Variants in SYT16 observed in about 807,000 individuals in gnomAD.
The protein encoded by SYT16 is synaptotagmin-16.
Under a neutral mutation model 61.4 loss-of-function variants are expected in SYT16, and 42 were observed. The ratio of observed to expected loss-of-function variants is 0.68; its 90% CI spans 0.53 to 0.89. The LOEUF is 0.89. Ranked by LOEUF, SYT16 falls within the 40% of genes least tolerant of loss-of-function variation. SYT16 has a pLI of 0.00. For missense variants in SYT16, 804 were observed against 807.3 expected, an observed-to-expected ratio of 1.00 and a Z score of 0.05; for synonymous variants, 314 against 302.3, an observed-to-expected ratio of 1.04 and a Z score of -0.40.
rs114523239 is a variant in SYT16, at chr14:61,938,836, A to G, written c.-324-31296A>G. 9.9e-3 allele frequency among the ~76,000 whole-genome samples: 1,501 copies of G among 152,296 alleles called. 22 individuals carry two copies. The highest frequency in any genetic ancestry group is 0.034 in the African/African-American group (1,425 of 41,544). On this transcript the variant is annotated intron_variant, in intron 1 of 7. Transcript: ENST00000683842. ...TTTTGTGGTAATTCCTAAAGGATAT[A>G]AAAAGGACAGACATGAGGCTGGGTG...
chr14:62,086,501 CAA>C (rs2056891141), intron 7 of SYT16, among the ~76,000 whole-genome samples: 1 of 152,010 alleles, frequency 6.6e-6, no homozygotes, highest in African/African-American at 2.4e-5. Flanking sequence ...CAACAACAAA[CAA>C]ACAAACAAAC....
intron 1 of SYT16, among the ~76,000 whole-genome samples, chr14:61,889,759 A>G (rs1461099774): frequency 6.6e-6 from 1 of 151,956 alleles, no homozygotes. Flanking sequence ...ATGCACCATC[A>G]TGAACCTTCC....
chr14:61,859,035 A>G (rs1321258001), intron 1 of SYT16, among the ~76,000 whole-genome samples: 3 of 148,174 alleles, frequency 2.0e-5, no homozygotes, highest in Non-Finnish European at 4.5e-5. Flanking sequence ...TTTTTTTTGT[A>G]TTTTTAGTAG....
chr14:62,095,140 T>A (rs2057228528), intron 7 of SYT16, among the ~76,000 whole-genome samples: 1 of 152,046 alleles, frequency 6.6e-6, no homozygotes, highest in Non-Finnish European at 1.5e-5. Context: ...TAACTAATAA[T>A]GTGGCACAGA....
At chr14:61,956,057 A>G (rs142945431) in intron 1 of SYT16, among the ~76,000 whole-genome samples, 9 of 151,890 alleles carry the variant, frequency 5.9e-5, no homozygotes, top group East Asian at 1.9e-4. Context: ...TTCCCTGATG[A>G]CTAGTGATTT....
chr14:61,967,371 T>C (rs1446056239), intron 1 of SYT16, among the ~76,000 whole-genome samples: 1 of 152,162 alleles, frequency 6.6e-6, no homozygotes, highest in African/African-American at 2.4e-5. Flanking sequence ...AGGGTTGTTA[T>C]TGCAACAAAT....
intron 7 of SYT16, among the ~76,000 whole-genome samples, chr14:62,094,101 C>G (rs1019464391): frequency 6.6e-6 from 1 of 152,042 alleles, no homozygotes; most frequent in Non-Finnish European, 1.5e-5. Flanking sequence ...TGACATTTAT[C>G]ACTTCTCATA....
intron 3 of SYT16, among the ~76,000 whole-genome samples, chr14:62,043,559 C>T (rs924940024): frequency 3.0e-4 from 45 of 152,004 alleles, no homozygotes; most frequent in Non-Finnish European, 4.0e-4. Context: ...AGGCGCCCAC[C>T]ACCATGCCCA....
intron 1 of SYT16, among the ~76,000 whole-genome samples, chr14:61,858,837 C>G (rs981991609): frequency 6.7e-6 from 1 of 150,280 alleles, no homozygotes; most frequent in Non-Finnish European, 1.5e-5. Context: ...AAATCATTTT[C>G]TTTTTTCTTT....
At chr14:62,089,221 A>T (rs2056987414) in intron 7 of SYT16, among the ~76,000 whole-genome samples, 1 of 151,824 alleles carries the variant, frequency 6.6e-6, no homozygotes, top group South Asian at 2.1e-4. Context: ...TAGGAGGCTG[A>T]GGCAGGAGAA....
At chr14:61,836,329 C>G (rs916989331) in intron 1 of SYT16, among the ~76,000 whole-genome samples, 1 of 152,138 alleles carries the variant, frequency 6.6e-6, no homozygotes, top group Non-Finnish European at 1.5e-5. Context: ...ATTGCAATGG[C>G]CCAGATCGGC....
At chr14:61,947,033 T>C (rs908410873) in intron 1 of SYT16, among the ~76,000 whole-genome samples, 8 of 151,984 alleles carry the variant, frequency 5.3e-5, no homozygotes, top group Non-Finnish European at 4.4e-5. Context: ...TGGTATACAG[T>C]GAGGTCCTCC....
chr14:62,015,982 G>T (rs1186211005), intron 3 of SYT16, among the ~76,000 whole-genome samples: 3 of 152,166 alleles, frequency 2.0e-5, no homozygotes, highest in African/African-American at 7.2e-5. Flanking sequence ...CTTCCCCCAG[G>T]ATAGTCCTGG....
At chr14:61,892,895 G>A (rs217668) in intron 1 of SYT16, among the ~76,000 whole-genome samples, 138,212 of 152,144 alleles carry the variant, frequency 0.91, 62,920 homozygotes, top group East Asian at 0.98. Flanking sequence ...GTAAAATACA[G>A]AATAAACGGT....
chr14:61,929,116 G>A (rs929518688), intron 1 of SYT16, among the ~76,000 whole-genome samples: 31 of 152,164 alleles, frequency 2.0e-4, no homozygotes, highest in Non-Finnish European at 8.8e-5. Context: ...AGAGTGATCC[G>A]GGGATTACTA....
intron 1 of SYT16, among the ~76,000 whole-genome samples, chr14:61,836,229 G>A (rs1400618633): frequency 2.0e-5 from 3 of 152,170 alleles, no homozygotes; most frequent in African/African-American, 2.4e-5. Context: ...CCTGGGGGTT[G>A]ATTTCTCATG....
At chr14:62,006,553 T>G (rs967645171) in intron 3 of SYT16, among the ~76,000 whole-genome samples, 1 of 152,142 alleles carries the variant, frequency 6.6e-6, no homozygotes, top group Admixed American at 6.6e-5. Flanking sequence ...CATGGAAACA[T>G]TTCTGGGCAC....
At chr14:61,869,599 C>T (rs1192794193) in intron 1 of SYT16, among the ~76,000 whole-genome samples, 1 of 152,152 alleles carries the variant, frequency 6.6e-6, no homozygotes, top group Non-Finnish European at 1.5e-5. Context: ...GTTATACACC[C>T]AACTGCTGTG....
intron 2 of SYT16, among the ~76,000 whole-genome samples, chr14:61,978,758 C>T (rs1289179460): frequency 6.6e-6 from 1 of 152,190 alleles, no homozygotes; most frequent in Non-Finnish European, 1.5e-5. Context: ...GTGGTTTCTC[C>T]ACCTGGCTCC....
Sources: allele counts gnomAD v4.1 joint callset (sites outside exome capture counted in the v4.1 genomes callset), GRCh38; gene constraint gnomAD v4.1.1; transcripts MANE v1.5; gene names NCBI Gene and HGNC (gene_info 2026-07-23, HGNC 2026-07-21).